The following RELCH variants were observed in gnomAD, a reference collection of about 807,000 sequenced individuals.
The protein encoded by RELCH is RAB11 binding and LisH domain, coiled-coil and HEAT repeat containing.
A neutral mutation model predicts 150.3 loss-of-function variants in RELCH; 41 were observed. That is an observed-to-expected ratio of 0.27 (90% CI 0.21 to 0.35). The LOEUF (loss-of-function observed/expected upper bound fraction) is 0.35. Ranked by LOEUF, RELCH falls within the 10% of genes least tolerant of loss-of-function variation. RELCH has a pLI of 1.00. For missense variants in RELCH, 1,092 were observed against 1,467.8 expected (o/e 0.74, Z 4.18); for synonymous variants, 478 against 531.8 (o/e 0.90, Z 1.39).
chr18:62,274,695 A>C (rs1047267859), intron 21 of RELCH, among the ~76,000 whole-genome samples: 1 of 152,218 alleles, frequency 6.6e-6, no homozygotes, highest in African/African-American at 2.4e-5. Context: ...CAAGACCCAC[A>C]GAAGTTGTAA....
chr18:62,277,451 T>C (rs1568422425), intron 22 of RELCH: 2 of 372,746 alleles, frequency 5.4e-6, no homozygotes, highest in Non-Finnish European at 3.7e-6. Context: ...TTGAACAAAA[T>C]TGTGTTAAAA....
chr18:62,278,367 A>C (rs975954839), intron 22 of RELCH, among the ~76,000 whole-genome samples: 1 of 152,138 alleles, frequency 6.6e-6, no homozygotes, highest in Non-Finnish European at 1.5e-5. Flanking sequence ...AGATATTAAA[A>C]GTTCTTTGTC....
At chr18:62,188,484 A>G (rs2038333631) in intron 1 of RELCH, among the ~76,000 whole-genome samples, 1 of 152,240 alleles carries the variant, frequency 6.6e-6, no homozygotes, top group Admixed American at 6.5e-5. Context: ...CTGTCTCCGA[A>G]AAGTCAGATG....
At chr18:62,303,180 T>A (rs2145169414) in intron 28 of RELCH, among the ~76,000 whole-genome samples, 1 of 152,034 alleles carries the variant, frequency 6.6e-6, no homozygotes, top group South Asian at 2.1e-4. Flanking sequence ...TTTTTTTAAC[T>A]GAAAAGCTTT....
chr18:62,261,815 G>A (rs1227230942), intron 16 of RELCH, among the ~76,000 whole-genome samples, 157 bp downstream of exon 16: 2 of 151,204 alleles, frequency 1.3e-5, no homozygotes, highest in African/African-American at 4.9e-5. Context: ...AAGATTATAC[G>A]TATGGTAAAC....
intron 23 of RELCH, 34 bp from the exon 24 acceptor site, chr18:62,280,612 A>C: frequency 6.5e-7 from 1 of 1,545,644 alleles, no homozygotes; most frequent in Non-Finnish European, 8.9e-7. Flanking sequence ...GTTCATCTCA[A>C]ATCTTCAGTT....
intron 5 of RELCH, 101 bp from the exon 6 acceptor site, chr18:62,227,188 C>A: frequency 1.3e-6 from 1 of 777,736 alleles, no homozygotes; most frequent in Non-Finnish European, 2.0e-6. Context: ...CACAGCAAAA[C>A]CGATCTTAAA....
At chr18:62,225,597 T>A (rs778491789) in intron 5 of RELCH, among the ~76,000 whole-genome samples, 19 of 152,004 alleles carry the variant, frequency 1.2e-4, no homozygotes, top group Non-Finnish European at 2.7e-4. Context: ...TCTCAACATT[T>A]GTATTCATTA....
intron 2 of RELCH, among the ~76,000 whole-genome samples, chr18:62,216,419 T>C (rs1274990950): frequency 6.6e-6 from 1 of 152,146 alleles, no homozygotes; most frequent in African/African-American, 2.4e-5. Flanking sequence ...TATGTTCTCA[T>C]ATCTCTATTA....
chr18:62,219,913 T>C (rs895117256), intron 2 of RELCH, among the ~76,000 whole-genome samples: 1 of 152,080 alleles, frequency 6.6e-6, no homozygotes, highest in Non-Finnish European at 1.5e-5. Flanking sequence ...TATTAGTCAG[T>C]TAGGAAAAAA....
chr18:62,187,447 T>A lies in RELCH; in HGVS notation c.-59T>A. The A allele has an allele frequency of 2.7e-6, 4 of 1,478,544 alleles. No individual in the cohort carries two copies. The highest frequency in any genetic ancestry group is 3.6e-6 in the Non-Finnish European group (4 of 1,113,314). The allele number at this position is 1,478,544 out of a possible 1,614,324, so 91.6% of individuals were successfully genotyped here. On this transcript the variant is annotated 5_prime_UTR_variant, in exon 1 of 29. Transcript: ENST00000644646. ...GCTGTGTCCCCTGAGGCCTAGAGGA[T>A]TCGGGCTGCGGCCCGTCGGAACCAG...
Position 62,227,472 on chromosome 18 carries a change from G to C in RELCH, c.1042G>C (p.Glu348Gln). ...TATAAGCAACCTTCCTCCAACTCTT[G>C]AAACTCCCCAGCCTGCAGAGGTGAG... ...PIISNLPPTL[E>Q]TPQPAENSML... is the part of the protein sequence containing the mutation. Residue 348 changes from glutamate to glutamine, a missense_variant, in exon 6 of 29, where the codon GAA becomes CAA. Glu to Gln is a conservative substitution (Grantham distance 29, BLOSUM62 2). Coordinates refer to ENST00000644646, the MANE Select transcript of RELCH (RefSeq NM_001346231.2). The C allele has an allele frequency of 6.2e-7, 1 of 1,613,116 alleles. No homozygotes were observed. The highest frequency in any genetic ancestry group is 8.5e-7 in the Non-Finnish European group (1 of 1,179,482).
At position 62,308,856 on chromosome 18, in the gene RELCH, C is replaced by T. The variant is rs773496132; in HGVS notation, c.*3322C>T. ...AAGAAAACTACAAAATAAATTTAGCCTTTTGTATGAGTAGACATCTATTTC... is the reference window on the plus strand; with the variant it reads ...AAGAAAACTACAAAATAAATTTAGCTTTTTGTATGAGTAGACATCTATTTC... On this transcript the variant is annotated 3_prime_UTR_variant, in exon 29 of 29. Transcript: ENST00000644646. The T allele has an allele frequency of 6.6e-6, 1 of 152,110 alleles. No individual in the cohort carries two copies. The highest frequency in any genetic ancestry group is 1.5e-5 in the Non-Finnish European group (1 of 68,016). 9.4% of individuals were successfully genotyped at this position (152,110 alleles called of 1,614,324 possible).
rs2042317372 is a variant in RELCH at position 62,244,747 on chromosome 18, C to T, written c.1621-17C>T. On this transcript the variant is annotated splice_polypyrimidine_tract_variant and intron_variant, in intron 10 of 28. Transcript: ENST00000644646. Reference sequence around the variant, plus strand: ...ATGTGTTTTTATTTGAATTTTTCCACCCTCGTATTTCTTTAGGAGTTGATC... The same window carrying T: ...ATGTGTTTTTATTTGAATTTTTCCATCCTCGTATTTCTTTAGGAGTTGATC... 2.6e-6 allele frequency: 4 copies of T among 1,513,684 alleles called. No homozygotes were observed. The highest frequency in any genetic ancestry group is 1.4e-5 in the African/African-American group (1 of 72,964). 93.8% of individuals were successfully genotyped at this position (1,513,684 alleles called of 1,614,324 possible). A position where few individuals can be genotyped will look rare whatever the true frequency, so the allele number is the denominator to read the frequency against.
chr18:62,242,208 C>T (rs1425199021), intron 10 of RELCH, among the ~76,000 whole-genome samples: 2 of 152,144 alleles, frequency 1.3e-5, no homozygotes, highest in Non-Finnish European at 2.9e-5. Context: ...TTGGCAGTGA[C>T]TTCCCATATG....
intron 2 of RELCH, among the ~76,000 whole-genome samples, chr18:62,215,938 A>G (rs1175223198): frequency 1.3e-5 from 2 of 152,140 alleles, no homozygotes; most frequent in East Asian, 3.8e-4. Context: ...CCATTTCTCA[A>G]TTTAGTTTTC....
Position 62,255,479 on chromosome 18 carries a change from G to A in RELCH, c.1896+1G>A. 2 of 1,577,246 alleles carry A rather than the reference G, an allele frequency of 1.3e-6. No individual in the cohort carries two copies. Among genetic ancestry groups the A allele is most frequent in the Non-Finnish European group, 1.7e-6 (2 of 1,165,200 alleles). On this transcript the variant is annotated splice_donor_variant, in intron 13 of 28. Transcript: ENST00000644646. LOFTEE classifies it high-confidence loss of function. Reference sequence around the variant, plus strand: ...TGGAGCACTGGCACCTTACCTTCCTGTAAGATTGTCTTTTTTTTTTTCTTT... The same window carrying A: ...TGGAGCACTGGCACCTTACCTTCCTATAAGATTGTCTTTTTTTTTTTCTTT...
At chr18:62,255,018 C>T (rs1342004757) in intron 12 of RELCH, among the ~76,000 whole-genome samples, 2 of 152,110 alleles carry the variant, frequency 1.3e-5, no homozygotes, top group Non-Finnish European at 2.9e-5. Flanking sequence ...AGAAGACTGG[C>T]ACATATTATA....
In RELCH at chr18:62,242,448, T is replaced by A. The variant is rs553911558; in HGVS notation, c.1621-2316T>A. On this transcript the variant is annotated intron_variant, in intron 10 of 28. Transcript: ENST00000644646. ...CCATCTTTGCTTTCAGAAGGAAAAATTAGCAGCAATAGATAAATTGCAGAA... is the reference window on the plus strand; with the variant it reads ...CCATCTTTGCTTTCAGAAGGAAAAAATAGCAGCAATAGATAAATTGCAGAA... Among the ~76,000 whole-genome samples, 4 of 152,248 alleles carry A rather than the reference T, an allele frequency of 2.6e-5. No homozygotes were observed. In the East Asian group the frequency reaches 7.7e-4, roughly 29 times the overall value.
Sources: gnomAD v4.1 joint callset for allele counts (sites outside exome capture counted in the v4.1 genomes callset) on GRCh38, gnomAD v4.1.1 for gene constraint, MANE v1.5 for transcripts, NCBI Gene and HGNC (gene_info 2026-07-23, HGNC 2026-07-21) for gene names.